KLC2: variants seen among roughly 807,000 people sequenced by gnomAD.
KLC2 encodes KLC 2.
In KLC2, 35 loss-of-function variants were observed where a neutral mutation model predicts 75.1. The observed-to-expected ratio is 0.47, with a 90% CI of 0.36 to 0.62. The LOEUF is 0.62. Ranked by LOEUF, KLC2 falls within the 20% of genes least tolerant of loss-of-function variation. The pLI, the probability that KLC2 is intolerant of heterozygous loss-of-function variation, is 0.00. For synonymous variants in KLC2, 314 were observed against 336.7 expected (o/e 0.93, Z 0.74); for missense variants, 611 against 833.2 (o/e 0.73, Z 3.28).
At chr11:66,265,325 C>A in intron 11 of KLC2, 90 bp downstream of exon 11, 1 of 1,147,784 alleles carries the variant, frequency 8.7e-7, no homozygotes, top group Non-Finnish European at 1.3e-6. Context: ...CCCTCCTCTG[C>A]TGCTCATCTG....
intron 4 of KLC2, chr11:66,262,562 T>C (rs908878128): frequency 3.5e-6 from 2 of 574,596 alleles, no homozygotes; most frequent in Non-Finnish European, 6.2e-6. Context: ...GCCTCCACTC[T>C]GTACACAGGG....
the KLC2 span, among the ~76,000 whole-genome samples, chr11:66,250,450 G>A: frequency 7.2e-5 from 11 of 152,220 alleles, 1 homozygote; most frequent in Admixed American, 7.2e-4. Context: ...ATATCTCAGG[G>A]CCCTACTCAG....
At chr11:66,256,786 T>C (rs1856054596), upstream of KLC2, among the ~76,000 whole-genome samples, 1 of 152,214 alleles carries the variant, frequency 6.6e-6, no homozygotes, top group South Asian at 2.1e-4. Context: ...ACAGCTTTTT[T>C]TTTGTGGACA....
intron 2 of KLC2, 25 bp downstream of exon 2, chr11:66,258,847 T>TG (rs773780890): frequency 7.8e-6 from 12 of 1,535,244 alleles, no homozygotes; most frequent in Non-Finnish European, 1.1e-5. Context: ...GGCACTGAGG[T>TG]GGGAGGTCAC....
At chr11:66,264,540 A>G in intron 9 of KLC2, 96 bp downstream of exon 9, 4 of 935,852 alleles carry the variant, frequency 4.3e-6, no homozygotes, top group Non-Finnish European at 5.1e-6. Context: ...GCAGGCCCTC[A>G]GGCTTTGGCC....
chr11:66,251,752 A>T, the KLC2 span, among the ~76,000 whole-genome samples: 1 of 152,262 alleles, frequency 6.6e-6, no homozygotes, highest in Non-Finnish European at 1.5e-5. Context: ...AGCCTGGGCA[A>T]CAAGAGTGAA....
chr11:66,255,791 A>C (rs1405518089), upstream of KLC2, among the ~76,000 whole-genome samples: 2 of 143,674 alleles, frequency 1.4e-5, no homozygotes, highest in African/African-American at 5.3e-5. Flanking sequence ...TTTGAGACAG[A>C]GTCTGTCTCT....
At chr11:66,247,428 G>A in the KLC2 span, among the ~76,000 whole-genome samples, 5 of 152,148 alleles carry the variant, frequency 3.3e-5, no homozygotes, top group Non-Finnish European at 7.4e-5. Context: ...CCCAGGAGCT[G>A]CTGGATCTTA....
intron 2 of KLC2, among the ~76,000 whole-genome samples, chr11:66,260,478 C>A (rs1274370546): frequency 2.0e-5 from 3 of 152,184 alleles, no homozygotes; most frequent in Non-Finnish European, 4.4e-5. Context: ...CCGGGAAGGA[C>A]TGGGAAAGGG....
At chr11:66,261,469 G>C (rs1034432885) in intron 2 of KLC2, 1 of 424,122 alleles carries the variant, frequency 2.4e-6, no homozygotes, top group Non-Finnish European at 4.3e-6. Context: ...CTCAGGGAAA[G>C]CACAGCACCC....
At chr11:66,255,227 C>G (rs1241450676), upstream of KLC2, among the ~76,000 whole-genome samples, 1 of 152,196 alleles carries the variant, frequency 6.6e-6, no homozygotes, top group African/African-American at 2.4e-5. Context: ...GCTTTGCCGC[C>G]CAGGCTGGAG....
Position 66,264,322 on chromosome 11 carries a change from C to T in KLC2, c.1117-23C>T, listed in dbSNP as rs755183782. ...GGCTTGGCTGCATGCATCCCGCTCA[C>T]TCTCTGGGTCTCCCGCTTCCAGGCT... On this transcript the variant is annotated intron_variant, in intron 8 of 15. Transcript: ENST00000394067. 10 of 1,600,982 alleles carry T rather than the reference C, an allele frequency of 6.2e-6. No homozygotes were observed. In the Admixed American group the frequency reaches 1.0e-4, roughly 16 times the overall value.
At position 66,265,239 on chromosome 11, in the gene KLC2, A is replaced by C; in HGVS notation, c.1334+4A>C. The C allele has an allele frequency of 2.8e-6, 2 of 707,876 alleles. No homozygotes were observed. Among genetic ancestry groups the C allele is most frequent in the Non-Finnish European group, 4.8e-6 (2 of 413,188 alleles). 43.8% of individuals were successfully genotyped at this position (707,876 alleles called of 1,614,324 possible). Reference sequence around the variant, plus strand: ...ACAAGGCCTGTAAAGTAGACAGGTGAGTGGGGCGGGGCTGGGCTGGGGAGC... The same window carrying C: ...ACAAGGCCTGTAAAGTAGACAGGTGCGTGGGGCGGGGCTGGGCTGGGGAGC... On this transcript the variant is annotated splice_donor_region_variant and intron_variant, in intron 11 of 15. Transcript: ENST00000394067.
the KLC2 span, among the ~76,000 whole-genome samples, chr11:66,251,369 G>A: frequency 1.5e-5 from 2 of 134,430 alleles, no homozygotes; most frequent in Non-Finnish European, 3.5e-5. Context: ...GCGGGCACCT[G>A]TAATCCCAGC....
chr11:66,247,433 A>ATCTTAATTCCTCTTACGCTTCCCCT, the KLC2 span, among the ~76,000 whole-genome samples: 1 of 152,052 alleles, frequency 6.6e-6, no homozygotes, highest in Non-Finnish European at 1.5e-5. Context: ...GAGCTGCTGG[A>ATCTTAATTCCTCTTACGCTTCCCCT]TCTTAATTCC....
chr11:66,263,192 G>A (rs2134821455), intron 5 of KLC2, 156 bp downstream of exon 5: 3 of 617,872 alleles, frequency 4.9e-6, no homozygotes, highest in East Asian at 2.8e-5. Context: ...GAGAGGCTTG[G>A]CCAGAACTGG....
In KLC2 at chr11:66,267,078, A is replaced by G. The variant is rs1856887425; in HGVS notation, c.*122A>G. ...CCACAGCCCCTGTCTTTTCTGTTCA[A>G]TCTCAGGGTAACCTTCTCCCTTGTC... On this transcript the variant is annotated 3_prime_UTR_variant, in exon 16 of 16. Transcript: ENST00000394067. 2 of 1,547,542 alleles carry G rather than the reference A, an allele frequency of 1.3e-6. No individual in the cohort carries two copies. The highest frequency in any genetic ancestry group is 1.9e-5 in the Admixed American group (1 of 51,360).
intron 15 of KLC2, 84 bp downstream of exon 15, chr11:66,266,574 T>C (rs765277665): frequency 2.6e-5 from 35 of 1,355,718 alleles, no homozygotes; most frequent in Non-Finnish European, 3.6e-5. Flanking sequence ...AGCATGCCTC[T>C]TCATCCAGCA....
At chr11:66,261,140 A>G (rs1327688701) in intron 2 of KLC2, 1 of 151,676 alleles carries the variant, frequency 6.6e-6, no homozygotes, top group Non-Finnish European at 1.5e-5. Context: ...ACTGGAAACT[A>G]AGGAAAGGAG....
Sources: gnomAD v4.1 joint callset for allele counts (sites outside exome capture counted in the v4.1 genomes callset) on GRCh38, gnomAD v4.1.1 for gene constraint, MANE v1.5 for transcripts, NCBI Gene and HGNC (gene_info 2026-07-23, HGNC 2026-07-21) for gene names.